CACNA2D3: variants seen among roughly 807,000 people sequenced by gnomAD.
CACNA2D3 encodes calcium voltage-gated channel auxiliary subunit alpha2delta 3, also known as voltage-dependent calcium channel subunit alpha-2/delta-3.
In CACNA2D3, 60 loss-of-function variants were observed where a neutral mutation model predicts 160.6. That is an observed-to-expected ratio of 0.37 (90% confidence interval 0.30 to 0.46). The LOEUF (loss-of-function observed/expected upper bound fraction) is 0.46, where lower values mean the gene tolerates loss of function less well. CACNA2D3 is among the 20% of genes least tolerant of loss of function. The pLI is 1.00. For synonymous variants in CACNA2D3, 558 were observed against 492.9 expected (o/e 1.13, Z -1.75); for missense variants, 1,205 against 1,365.0 (o/e 0.88, Z 1.85).
chr3:54,264,455 G>A (rs892015178), intron 2 of CACNA2D3, among the ~76,000 whole-genome samples: 1 of 152,152 alleles, frequency 6.6e-6, no homozygotes, highest in Admixed American at 6.5e-5. Context: ...TTTCCTGAAG[G>A]CTCAGATCAA....
intron 13 of CACNA2D3, among the ~76,000 whole-genome samples, chr3:54,764,652 G>A (rs191659273): frequency 8.5e-5 from 13 of 152,268 alleles, no homozygotes; most frequent in Admixed American, 5.9e-4. Flanking sequence ...TGTCAGTGTA[G>A]CAATGATTAC....
intron 9 of CACNA2D3, among the ~76,000 whole-genome samples, chr3:54,613,742 T>C (rs1698790727): frequency 6.6e-6 from 1 of 152,206 alleles, no homozygotes; most frequent in Non-Finnish European, 1.5e-5. Flanking sequence ...TGTGTTCCTT[T>C]TTCCTTTCTT....
chr3:54,350,543 G>A lies in CACNA2D3; in HGVS notation c.321+29985G>A, dbSNP rs551761321. Among the ~76,000 whole-genome samples the A allele has an allele frequency of 9.2e-5, 14 of 152,250 alleles. 1 individual carries two copies. The South Asian group carries it at 2.3e-3, about 25-fold the overall frequency. On this transcript the variant is annotated intron_variant, in intron 3 of 37. Transcript: ENST00000474759. ...CTGACAAAAGTGTAGGCCATTTTAG[G>A]TTCTTCTAAGCTAACTGCAAAATAG...
At position 54,464,770 on chromosome 3, in the gene CACNA2D3, C is replaced by T. The variant is rs1025814341; in HGVS notation, c.382-38722C>T. ...GCCGTGCTTCGGCTAGCGCACGGTG[C>T]GCTGCACGCACTGTCCTGCGCCCAC... is the stretch of plus-strand genomic sequence containing the variant. On this transcript the variant is annotated intron_variant, in intron 4 of 37. Coordinates refer to ENST00000474759, the MANE Select transcript of CACNA2D3 (RefSeq NM_018398.3). 5.3e-5 allele frequency among the ~76,000 whole-genome samples: 8 copies of T among 152,322 alleles called. No individual in the cohort carries two copies. In the East Asian group the frequency reaches 5.8e-4, roughly 11 times the overall value.
intron 14 of CACNA2D3, among the ~76,000 whole-genome samples, chr3:54,822,517 C>G (rs1205172000): frequency 6.6e-6 from 1 of 152,172 alleles, no homozygotes; most frequent in Non-Finnish European, 1.5e-5. Flanking sequence ...CCATGTGAGT[C>G]TTGGCTGACC....
chr3:54,853,695 T>A (rs1699108344), intron 17 of CACNA2D3, among the ~76,000 whole-genome samples: 1 of 152,078 alleles, frequency 6.6e-6, no homozygotes, highest in Admixed American at 6.5e-5. Flanking sequence ...ACAGACAAAG[T>A]CTCTGCTTTT....
intron 5 of CACNA2D3, among the ~76,000 whole-genome samples, chr3:54,514,748 A>G (rs1701516664): frequency 6.9e-6 from 1 of 144,766 alleles, no homozygotes. Context: ...AAGGATGGGT[A>G]GGAAATAATT....
At chr3:54,361,066 A>G (rs907333355) in intron 3 of CACNA2D3, among the ~76,000 whole-genome samples, 4 of 152,098 alleles carry the variant, frequency 2.6e-5, no homozygotes, top group African/African-American at 9.7e-5. Flanking sequence ...AAAATTCCAT[A>G]TTTTCAGATA....
At chr3:55,018,668 A>G (rs985531274) in intron 35 of CACNA2D3, among the ~76,000 whole-genome samples, 26 of 151,588 alleles carry the variant, frequency 1.7e-4, no homozygotes, top group Non-Finnish European at 3.5e-4. Flanking sequence ...CTGAAGGCAC[A>G]AGCCTTCAGG....
At chr3:54,889,231 T>C (rs920043487) in intron 24 of CACNA2D3, among the ~76,000 whole-genome samples, 2 of 152,164 alleles carry the variant, frequency 1.3e-5, no homozygotes, top group South Asian at 4.1e-4. Flanking sequence ...GATTTTATAC[T>C]CAGAGCAGTG....
intron 4 of CACNA2D3, among the ~76,000 whole-genome samples, chr3:54,415,213 A>C (rs1185329162): frequency 1.3e-5 from 2 of 152,188 alleles, no homozygotes; most frequent in Non-Finnish European, 2.9e-5. Flanking sequence ...TTACCTCAGG[A>C]TCTTTCTCCA....
chr3:54,255,112 T>A (rs1181581989), intron 2 of CACNA2D3, among the ~76,000 whole-genome samples: 1 of 152,236 alleles, frequency 6.6e-6, no homozygotes, highest in East Asian at 1.9e-4. Context: ...TTCTCTCAGG[T>A]TAAAAACTGT....
At chr3:55,004,668 TTGA>T in intron 31 of CACNA2D3, 92 bp from the exon 32 acceptor site, 1 of 800,442 alleles carries the variant, frequency 1.2e-6, no homozygotes, top group Non-Finnish European at 2.1e-6. Context: ...ACCGTTGCAC[TTGA>T]TGATAGTGAC....
intron 12 of CACNA2D3, among the ~76,000 whole-genome samples, chr3:54,760,993 G>A (rs1702070423): frequency 6.6e-6 from 1 of 152,046 alleles, no homozygotes; most frequent in Non-Finnish European, 1.5e-5. Context: ...TCAGAACCTT[G>A]GCTATGATAA....
intron 11 of CACNA2D3, among the ~76,000 whole-genome samples, chr3:54,655,568 A>G (rs1233963353): frequency 1.3e-5 from 2 of 152,226 alleles, no homozygotes; most frequent in Admixed American, 6.5e-5. Flanking sequence ...TTAGAAGAAG[A>G]TTAAAGTATT....
At chr3:54,642,807 C>T (rs1348867829) in intron 11 of CACNA2D3, among the ~76,000 whole-genome samples, 3 of 152,196 alleles carry the variant, frequency 2.0e-5, no homozygotes, top group South Asian at 2.1e-4. Flanking sequence ...TTGACTGATA[C>T]TAATATTTTT....
intron 11 of CACNA2D3, among the ~76,000 whole-genome samples, chr3:54,654,762 C>T (rs1483020045): frequency 6.6e-6 from 1 of 152,104 alleles, no homozygotes; most frequent in African/African-American, 2.4e-5. Flanking sequence ...GAGACTGATT[C>T]TGTGAATGCT....
intron 3 of CACNA2D3, among the ~76,000 whole-genome samples, chr3:54,339,140 G>A (rs765306618): frequency 8.5e-5 from 13 of 152,248 alleles, no homozygotes; most frequent in East Asian, 5.8e-4. Context: ...TCCTGGCCAC[G>A]CCTGTCTCTC....
chr3:54,547,501 T>C (rs1489792705), intron 5 of CACNA2D3, among the ~76,000 whole-genome samples: 1 of 152,106 alleles, frequency 6.6e-6, no homozygotes, highest in Admixed American at 6.5e-5. Flanking sequence ...GGCCAATTTC[T>C]GACTCCTGCT....
Sources: allele counts gnomAD v4.1 joint callset (sites outside exome capture counted in the v4.1 genomes callset), GRCh38; gene constraint gnomAD v4.1.1; transcripts MANE v1.5; gene names NCBI Gene and HGNC (gene_info 2026-07-23, HGNC 2026-07-21).